Variants in PHACTR1 observed in about 807,000 individuals in gnomAD.
The protein encoded by PHACTR1 is phosphatase and actin regulator 1, also known as RPEL repeat containing 1.
In PHACTR1, 16 loss-of-function variants were observed where a neutral mutation model predicts 69.2. The observed-to-expected ratio is 0.23, with a 90% CI of 0.16 to 0.35. The LOEUF (loss-of-function observed/expected upper bound fraction) is 0.35. Among genes scored for constraint, PHACTR1 ranks in the 10% least tolerant of loss-of-function variants. The pLI, the probability that PHACTR1 is intolerant of heterozygous loss-of-function variation, is 1.00. For missense variants in PHACTR1, 510 were observed against 734.7 expected (o/e 0.69, Z 3.54); for synonymous variants, 312 against 284.5 (o/e 1.10, Z -0.97).
At chr6:13,206,836 A>G (rs575964231) in intron 8 of PHACTR1, among the ~76,000 whole-genome samples, 11 of 152,280 alleles carry the variant, frequency 7.2e-5, no homozygotes, top group African/African-American at 2.6e-4. Context: ...CATCTTAGGG[A>G]TGTGAGAGGA....
At chr6:12,905,856 T>A (rs1428277875) in intron 4 of PHACTR1, among the ~76,000 whole-genome samples, 1 of 152,210 alleles carries the variant, frequency 6.6e-6, no homozygotes, top group Non-Finnish European at 1.5e-5. Flanking sequence ...CGTGGCAACA[T>A]CTCATTAATT....
chr6:12,827,821 A>T (rs908144657), intron 4 of PHACTR1, among the ~76,000 whole-genome samples: 1 of 152,186 alleles, frequency 6.6e-6, no homozygotes, highest in Non-Finnish European at 1.5e-5. Flanking sequence ...TCCTTCAACC[A>T]CATTACATGA....
chr6:13,060,087 T>G (rs534198661), intron 5 of PHACTR1, among the ~76,000 whole-genome samples: 1 of 152,122 alleles, frequency 6.6e-6, no homozygotes, highest in South Asian at 2.1e-4. Flanking sequence ...ACCAGAAGCC[T>G]AAGATGTGGT....
intron 5 of PHACTR1, among the ~76,000 whole-genome samples, chr6:13,134,720 C>T (rs1304613221): frequency 2.0e-5 from 3 of 149,830 alleles, no homozygotes; most frequent in African/African-American, 7.4e-5. Context: ...ATCTGCTGAC[C>T]TTCCCTCCAC....
intron 4 of PHACTR1, among the ~76,000 whole-genome samples, chr6:12,953,543 T>C (rs1156310206): frequency 6.6e-6 from 1 of 152,160 alleles, no homozygotes; most frequent in Non-Finnish European, 1.5e-5. Flanking sequence ...CAACTACACA[T>C]CAACTTGTCT....
chr6:12,839,016 G>A (rs1430306752), intron 4 of PHACTR1, among the ~76,000 whole-genome samples: 3 of 152,300 alleles, frequency 2.0e-5, no homozygotes, highest in African/African-American at 4.8e-5. Context: ...ACTCTAAATG[G>A]TTCATATGTG....
chr6:12,805,124 A>G lies in PHACTR1; in HGVS notation c.250+55334A>G, dbSNP rs116829713. Among the ~76,000 whole-genome samples, 398 of 152,302 alleles carry G rather than the reference A, an allele frequency of 2.6e-3. 4 individuals are homozygous for G. Among genetic ancestry groups the G allele is most frequent in the African/African-American group, 9.1e-3 (378 of 41,580 alleles). On this transcript the variant is annotated intron_variant, in intron 4 of 14. Coordinates refer to ENST00000332995, the MANE Select transcript of PHACTR1 (RefSeq NM_030948.6). The stretch of plus-strand genomic sequence containing the variant: ...TTGGTGAAGTTTGGGGCTAAAACCT[A>G]TCAAGTTATCTTGTTAGCTGAGTTG...
In PHACTR1 at chr6:13,047,840, C is replaced by T. The variant is rs192470011; in HGVS notation, c.251-5525C>T. ...CATCTTTGCACAAGCCTTTTGAAAG[C>T]CAAACCACCATGAGAAATATGGTGT... On this transcript the variant is annotated intron_variant, in intron 4 of 14. Coordinates refer to ENST00000332995, the MANE Select transcript of PHACTR1 (RefSeq NM_030948.6). Among the ~76,000 whole-genome samples the T allele has an allele frequency of 5.3e-5, 8 of 152,126 alleles. No homozygotes were observed. In the East Asian group the frequency reaches 1.6e-3, roughly 30 times the overall value.
At chr6:13,234,890 G>T (rs1050100562) in intron 10 of PHACTR1, among the ~76,000 whole-genome samples, 5 of 152,176 alleles carry the variant, frequency 3.3e-5, no homozygotes, top group Admixed American at 2.6e-4. Flanking sequence ...TGGCACAGAG[G>T]ACCAAGGGGT....
chr6:13,262,889 T>A (rs1401088942), intron 10 of PHACTR1, among the ~76,000 whole-genome samples: 2 of 152,200 alleles, frequency 1.3e-5, no homozygotes, highest in Non-Finnish European at 2.9e-5. Flanking sequence ...GTTAATTCTG[T>A]TTTTCCTTTG....
At chr6:12,966,308 C>T (rs947204404) in intron 4 of PHACTR1, among the ~76,000 whole-genome samples, 1 of 152,194 alleles carries the variant, frequency 6.6e-6, no homozygotes, top group Non-Finnish European at 1.5e-5. Context: ...TGAATCCTCA[C>T]GACCCTATAA....
intron 7 of PHACTR1, among the ~76,000 whole-genome samples, chr6:13,197,337 T>G (rs1048260925): frequency 6.6e-6 from 1 of 152,162 alleles, no homozygotes; most frequent in African/African-American, 2.4e-5. Flanking sequence ...CAGGCTAGAT[T>G]TCAACCCTAA....
At chr6:13,222,419 A>C (rs566848952) in intron 8 of PHACTR1, among the ~76,000 whole-genome samples, 1 of 152,234 alleles carries the variant, frequency 6.6e-6, no homozygotes, top group Non-Finnish European at 1.5e-5. Context: ...AACTGAAGGC[A>C]GGAGTGCAAG....
intron 4 of PHACTR1, among the ~76,000 whole-genome samples, chr6:12,788,722 T>C (rs1462642623): frequency 6.6e-6 from 1 of 152,222 alleles, no homozygotes; most frequent in Non-Finnish European, 1.5e-5. Context: ...TGATCATTTC[T>C]AAGAACACAA....
rs1227102876 is a variant in PHACTR1, at chr6:13,156,213, A to G, written c.416-3991A>G. Among the ~76,000 whole-genome samples the G allele has an allele frequency of 2.0e-5, 3 of 152,206 alleles. No individual in the cohort carries two copies. In the East Asian group the frequency reaches 5.8e-4, roughly 29 times the overall value. On this transcript the variant is annotated intron_variant, in intron 5 of 14. Transcript: ENST00000332995. ...CTTTACAGGATTGTGGTGAAGATTA[A>G]GTTAAGTAACAATTTTTCATGCTTC...
intron 4 of PHACTR1, among the ~76,000 whole-genome samples, chr6:12,978,627 G>A (rs536299720): frequency 6.6e-6 from 1 of 152,344 alleles, no homozygotes; most frequent in East Asian, 1.9e-4. Context: ...TTGCTCTGAT[G>A]AGCTTCTCCC....
Position 12,829,962 on chromosome 6 carries a change from GAA to G in PHACTR1, c.250+80174_250+80175del, listed in dbSNP as rs1491578914. Among the ~76,000 whole-genome samples the G allele has an allele frequency of 9.7e-5, 9 of 92,660 alleles. No individual in the cohort carries two copies. In the South Asian group the frequency reaches 1.9e-3, roughly 19 times the overall value. 60.8% of individuals were successfully genotyped at this position (92,660 alleles called of 152,430 possible). On this transcript the variant is annotated intron_variant, in intron 4 of 14. Coordinates refer to ENST00000332995, the MANE Select transcript of PHACTR1 (RefSeq NM_030948.6). ...AACAGAGCAAGACTCCGTCAAGAAA[GAA>G]AGAGAGAGAGAGAGAGAGAGAGAGA...
In PHACTR1 at chr6:12,892,796, T is replaced by C. The variant is rs570040517; in HGVS notation, c.250+143006T>C. 2.0e-5 allele frequency among the ~76,000 whole-genome samples: 3 copies of C among 152,358 alleles called. No homozygotes were observed. The East Asian group carries it at 5.8e-4, about 29-fold the overall frequency. On this transcript the variant is annotated intron_variant, in intron 4 of 14. Coordinates refer to ENST00000332995, the MANE Select transcript of PHACTR1 (RefSeq NM_030948.6). ...ACACACAATGTGGAGTAAAGGAGGA[T>C]GGCAGACATGGAAACTATTATCTCT...
At chr6:12,947,455 A>G (rs1420135713) in intron 4 of PHACTR1, among the ~76,000 whole-genome samples, 2 of 152,196 alleles carry the variant, frequency 1.3e-5, no homozygotes, top group Non-Finnish European at 2.9e-5. Context: ...AAGACATGGG[A>G]AAAACATCTG....
Sources: allele counts gnomAD v4.1 joint callset (sites outside exome capture counted in the v4.1 genomes callset), GRCh38; gene constraint gnomAD v4.1.1; transcripts MANE v1.5; gene names NCBI Gene and HGNC (gene_info 2026-07-23, HGNC 2026-07-21).